The following TSEN34 variants were observed in gnomAD, a reference collection of about 807,000 sequenced individuals.
The protein encoded by TSEN34 is tRNA splicing endonuclease subunit 34.
TSEN34 carries 25 observed loss-of-function variants against 30.2 expected under a neutral mutation model. That is an observed-to-expected ratio of 0.83 (90% CI 0.60 to 1.16). The LOEUF is 1.16. Ranked by LOEUF, TSEN34 falls within the 50% of genes most tolerant of loss-of-function variation. The pLI, the probability that TSEN34 is intolerant of heterozygous loss-of-function variation, is 0.00. For missense variants in TSEN34, 475 were observed against 411.9 expected, an observed-to-expected ratio of 1.15 and a Z score of -1.33; for synonymous variants, 209 against 177.4, an observed-to-expected ratio of 1.18 and a Z score of -1.41.
upstream of TSEN34, chr19:54,191,149 C>G (rs920184042): frequency 8.4e-5 from 114 of 1,357,770 alleles, no homozygotes; most frequent in African/African-American, 2.3e-4. Context: ...TCTCCGGCGT[C>G]TCGTCTCCGG....
Position 54,193,895 on chromosome 19 carries a change from C to T in TSEN34, c.*533C>T, listed in dbSNP as rs1183942949. 1 of 578,006 alleles carries T rather than the reference C, an allele frequency of 1.7e-6. No homozygotes were observed. The highest frequency in any genetic ancestry group is 3.1e-6 in the Non-Finnish European group (1 of 327,114). 35.8% of individuals were successfully genotyped at this position (578,006 alleles called of 1,614,324 possible). A position where few individuals can be genotyped will look rare whatever the true frequency, so the allele number is the denominator to read the frequency against. On this transcript the variant is annotated 3_prime_UTR_variant, in exon 4 of 4. Transcript: ENST00000396388. Reference sequence around the variant, plus strand: ...TTCTATGAAATTTCCCAGATGCATACAAACGTTATAAATAAAAATATAGGC... The same window carrying T: ...TTCTATGAAATTTCCCAGATGCATATAAACGTTATAAATAAAAATATAGGC...
At chr19:54,191,131 G>A (rs2076665855), upstream of TSEN34, 4 of 1,358,436 alleles carry the variant, frequency 2.9e-6, no homozygotes, top group Admixed American at 3.7e-5. Flanking sequence ...GAGAGGGTCG[G>A]GGGCTTGTCT....
At position 54,193,379 on chromosome 19, in the gene TSEN34, G is replaced by C; in HGVS notation, c.*17G>C. The C allele has an allele frequency of 6.2e-7, 1 of 1,614,104 alleles. No homozygotes were observed. On this transcript the variant is annotated 3_prime_UTR_variant, in exon 4 of 4. Coordinates refer to ENST00000396388, the MANE Select transcript of TSEN34 (RefSeq NM_001077446.4). ...CTGCAGTGAACTCCAGAGACCTAGGGGATGTGGCTGTGTCGGCAGCAAGAG... is the reference window on the plus strand; with the variant it reads ...CTGCAGTGAACTCCAGAGACCTAGGCGATGTGGCTGTGTCGGCAGCAAGAG...
chr19:54,193,291 C>G lies in TSEN34; in HGVS notation c.862C>G (p.Leu288Val). ...GRLGTSVRKT[L>V]LLCSPQPDGK... Reference sequence around the variant, plus strand: ...CCTTGGAACCAGCGTCAGAAAGACCCTGCTCCTCTGTTCTCCGCAGCCTGA... The same window carrying G: ...CCTTGGAACCAGCGTCAGAAAGACCGTGCTCCTCTGTTCTCCGCAGCCTGA... The change falls in exon 4 of 4, where the codon CTG (leucine) becomes GTG (valine). Residue 288 changes from leucine to valine, a missense_variant. Transcript: ENST00000396388. 1 of 1,614,158 alleles carries G rather than the reference C, an allele frequency of 6.2e-7. No homozygotes were observed. The highest frequency in any genetic ancestry group is 8.5e-7 in the Non-Finnish European group (1 of 1,180,038).
chr19:54,191,239 A>T, upstream of TSEN34: 1 of 1,452,882 alleles, frequency 6.9e-7, no homozygotes, highest in Non-Finnish European at 9.0e-7. Flanking sequence ...CGGCTGAGCG[A>T]GGCCCCGCCC....
rs1272338232 is a variant in TSEN34 at position 54,191,732 on chromosome 19, C to T, written c.255C>T (p.Ser85=). ...DSRHHSLALT[S]FKRQQEESFQ... ...AGTGTGCTTCTCAGGCCCTGACATC[C>T]TTCAAGCGCCAGCAAGAGGAGAGCT... Residue 85 remains serine, a synonymous_variant, in exon 2 of 4, where the codon TCC becomes TCT. Coordinates refer to ENST00000396388, the MANE Select transcript of TSEN34 (RefSeq NM_001077446.4). The T allele has an allele frequency of 7.4e-6, 12 of 1,614,088 alleles. 1 individual carries two copies. The South Asian group carries it at 1.1e-4, about 15-fold the overall frequency.
At chr19:54,191,078 A>G, upstream of TSEN34, 1 of 1,290,930 alleles carries the variant, frequency 7.7e-7, no homozygotes. Flanking sequence ...TGCCGACCGC[A>G]GGGTCACAAG....
chr19:54,190,958 G>A (rs2076653873), upstream of TSEN34: 7 of 1,071,128 alleles, frequency 6.5e-6, no homozygotes, highest in Non-Finnish European at 6.8e-6. Flanking sequence ...TTGCAAGAGG[G>A]TGGTGCCAAA....
intron 3 of TSEN34, among the ~76,000 whole-genome samples, chr19:54,192,789 G>C (rs1377616193): frequency 6.6e-6 from 1 of 152,166 alleles, no homozygotes; most frequent in African/African-American, 2.4e-5. Flanking sequence ...TGGATCACCT[G>C]AGGTCAGGAG....
rs769338809 is a variant in TSEN34 at position 54,192,317 on chromosome 19, G to C, written c.689G>C (p.Arg230Pro). Residue 230 changes from arginine to proline, a missense_variant, in exon 3 of 4, where the codon CGA becomes CCA. Transcript: ENST00000396388. ...AGTATCTACAGAGACCTGTGGGAGC[G>C]AGGCTTCTTCCTCAGTGCGGCTGGC... is the stretch of plus-strand genomic sequence containing the variant. The part of the protein sequence containing the change: ...RYSIYRDLWE[R>P]GFFLSAAGKF... 6.2e-7 allele frequency: 1 copy of C among 1,614,054 alleles called. No homozygotes were observed. Among genetic ancestry groups the C allele is most frequent in the Non-Finnish European group, 8.5e-7 (1 of 1,180,046 alleles).
chr19:54,190,352 T>G, upstream of TSEN34: 1 of 1,527,894 alleles, frequency 6.5e-7, no homozygotes, highest in Non-Finnish European at 8.8e-7. Context: ...CCACCTCGAC[T>G]GCGAATTACT....
upstream of TSEN34, chr19:54,191,142 C>G: frequency 7.4e-7 from 1 of 1,358,606 alleles, no homozygotes; most frequent in South Asian, 1.8e-5. Flanking sequence ...GGGCTTGTCT[C>G]CGGCGTCTCG....
At chr19:54,193,112 GT>G in intron 3 of TSEN34, 62 bp from the exon 4 acceptor site, 1 of 1,609,300 alleles carries the variant, frequency 6.2e-7, no homozygotes, top group Non-Finnish European at 8.5e-7. Context: ...CCCAGTGGTC[GT>G]TCCCGTGGCG....
rs763489908 is a variant in TSEN34, at chr19:54,192,237, T to C, written c.609T>C (p.Arg203=). The change falls in exon 3 of 4, where the codon CGT becomes CGC. Residue 203 remains arginine, a synonymous_variant. Transcript: ENST00000396388. ...TCAAGGCCAGGCCCCTGGACTGGCGTGTCCAGTCTAAAGACTGGCCCCACG... is the reference window on the plus strand; with the variant it reads ...TCAAGGCCAGGCCCCTGGACTGGCGCGTCCAGTCTAAAGACTGGCCCCACG... The part of the protein sequence containing the change: ...RPVKARPLDW[R]VQSKDWPHAG... The C allele has an allele frequency of 8.1e-6, 13 of 1,614,004 alleles. No homozygotes were observed. The highest frequency in any genetic ancestry group is 1.1e-5 in the Non-Finnish European group (13 of 1,179,942).
chr19:54,193,005 CAAAAAA>C (rs4006644), intron 3 of TSEN34, among the ~76,000 whole-genome samples, 164 bp from the exon 4 acceptor site: 1 of 99,234 alleles, frequency 1.0e-5, no homozygotes, highest in Non-Finnish European at 2.0e-5. Flanking sequence ...GACTTTGTCT[CAAAAAA>C]AAAAAAAAAG....
Position 54,191,882 on chromosome 19 carries a change from A to C in TSEN34, c.405A>C (p.Ser135=). ...TAGAACAGGCTTCAGGGGCCAGCTC[A>C]AGCCAGGAGGCCGGCTCGAGCCAGG... ...QKLEQASGAS[S]SQEAGSSQAA... Residue 135 remains serine (S), a synonymous_variant, in exon 2 of 4, where the codon TCA becomes TCC. Transcript: ENST00000396388. 1 of 1,614,116 alleles carries C rather than the reference A, an allele frequency of 6.2e-7. No individual in the cohort carries two copies. The highest frequency in any genetic ancestry group is 1.3e-5 in the African/African-American group (1 of 75,020).
chr19:54,190,260 G>A (rs2076613193), upstream of TSEN34: 2 of 1,104,328 alleles, frequency 1.8e-6, no homozygotes, highest in Non-Finnish European at 2.7e-6. Context: ...GGCGCTGATG[G>A]GGCGGGATGA....
At chr19:54,193,100 C>G in intron 3 of TSEN34, 75 bp from the exon 4 acceptor site, 2 of 1,607,860 alleles carry the variant, frequency 1.2e-6, no homozygotes, top group Non-Finnish European at 1.7e-6. Context: ...CTCAGATCTC[C>G]TCCCAGTGGT....
At position 54,192,417 on chromosome 19, in the gene TSEN34, G is replaced by A. The variant is rs745357176; in HGVS notation, c.745+44G>A. 19 of 1,609,360 alleles carry A rather than the reference G, an allele frequency of 1.2e-5. No individual in the cohort carries two copies. The East Asian group carries it at 1.3e-4, about 11-fold the overall frequency. On this transcript the variant is annotated intron_variant, in intron 3 of 3. Transcript: ENST00000396388. ...CTCTGGTTGCTGTGCCTTTCCATAC[G>A]ATCCCAATGTATTCTGCGTTTTTCT...
Sources: allele counts gnomAD v4.1 joint callset (sites outside exome capture counted in the v4.1 genomes callset), GRCh38; gene constraint gnomAD v4.1.1; transcripts MANE v1.5; gene names NCBI Gene and HGNC (gene_info 2026-07-23, HGNC 2026-07-21).